MPDZ: variants seen among roughly 807,000 people sequenced by gnomAD.
The protein encoded by MPDZ is multiple PDZ domain crumbs cell polarity complex component, also known as multiple PDZ domain protein.
A neutral mutation model predicts 239.1 loss-of-function variants in MPDZ; 234 were observed. The observed-to-expected ratio is 0.98, with a 90% CI of 0.88 to 1.09. The LOEUF is 1.09. Among genes scored for constraint, MPDZ ranks in the 50% least tolerant of loss-of-function variants. The pLI is 0.00. For synonymous variants in MPDZ, 1,048 were observed against 881.3 expected, an observed-to-expected ratio of 1.19 and a Z score of -3.35; for missense variants, 3,175 against 2,510.0, an observed-to-expected ratio of 1.26 and a Z score of -5.66.
At chr9:13,205,675 G>A (rs1176652623) in intron 11 of MPDZ, among the ~76,000 whole-genome samples, 1 of 152,086 alleles carries the variant, frequency 6.6e-6, no homozygotes, top group Admixed American at 6.5e-5. Context: ...CAATGAATAG[G>A]ATAGAAAGAA....
At chr9:13,227,742 T>C (rs1961091345) in intron 3 of MPDZ, among the ~76,000 whole-genome samples, 1 of 152,158 alleles carries the variant, frequency 6.6e-6, no homozygotes, top group South Asian at 2.1e-4. Flanking sequence ...TCAATTGTCA[T>C]TTCCTAATTT....
Position 13,241,266 on chromosome 9 carries a change from T to C in MPDZ, c.183+6369A>G, listed in dbSNP as rs557088047. On this transcript the variant is annotated intron_variant, in intron 3 of 46. Transcript: ENST00000319217. ...TAATGCACACTAGAGTCTCGAGAAA[T>C]AGATACTTTGCTGTCAGGTGGCTAC... is the stretch of plus-strand genomic sequence containing the variant. Among the ~76,000 whole-genome samples, 29 of 152,284 alleles carry C rather than the reference T, an allele frequency of 1.9e-4. 1 individual carries two copies. The South Asian group carries it at 5.6e-3, about 29-fold the overall frequency.
In MPDZ at chr9:13,206,044, C is replaced by T. The variant is rs376910496; in HGVS notation, c.1346G>A (p.Arg449Gln). The change falls in exon 11 of 47, where the codon CGA becomes CAA. Residue 449 changes from arginine to glutamine, a missense_variant. Coordinates refer to ENST00000319217, the MANE Select transcript of MPDZ (RefSeq NM_001378778.1). ...CAGGAGCACAGTTTGTCCTGTATGT[C>T]GCAATACCTCTACTGCTTGCTGATT... Reference protein sequence around the residue: ...FTNQQAVEVLRHTGQTVLLTL... With the variant: ...FTNQQAVEVLQHTGQTVLLTL... 62 of 1,611,202 alleles carry T rather than the reference C, an allele frequency of 3.8e-5. No homozygotes were observed. The East Asian group carries it at 5.8e-4, about 15-fold the overall frequency.
chr9:13,144,007 T>G (rs1458096887), intron 26 of MPDZ, among the ~76,000 whole-genome samples: 1 of 152,108 alleles, frequency 6.6e-6, no homozygotes, highest in African/African-American at 2.4e-5. Context: ...TAAATTGGTC[T>G]GCTAGTTCAC....
intron 1 of MPDZ, among the ~76,000 whole-genome samples, chr9:13,267,562 C>T (rs1309873551): frequency 6.6e-6 from 1 of 152,162 alleles, no homozygotes; most frequent in Non-Finnish European, 1.5e-5. Context: ...CCCCATAGTA[C>T]TTCCAAGAAG....
chr9:13,260,882 G>A lies in MPDZ; in HGVS notation c.-57-10510C>T, dbSNP rs554838479. Among the ~76,000 whole-genome samples, 5 of 152,240 alleles carry A rather than the reference G, an allele frequency of 3.3e-5. No individual in the cohort carries two copies. In the South Asian group the frequency reaches 8.3e-4, roughly 25 times the overall value. On this transcript the variant is annotated intron_variant, in intron 1 of 46. Transcript: ENST00000319217. ...TACACCTTTCTAAACAATTTGTTAT[G>A]GCAGCCCAAGCTGACAAATACAGAA... is the stretch of plus-strand genomic sequence containing the variant.
chr9:13,215,004 T>A (rs1438800843), intron 10 of MPDZ, among the ~76,000 whole-genome samples: 1 of 152,016 alleles, frequency 6.6e-6, no homozygotes, highest in African/African-American at 2.4e-5. Flanking sequence ...TTTACCATCT[T>A]ACCCATTTTG....
chr9:13,123,243 G>T lies in MPDZ; in HGVS notation c.4863C>A (p.Pro1621=). The T allele has an allele frequency of 6.2e-7, 1 of 1,613,474 alleles. No homozygotes were observed. The highest frequency in any genetic ancestry group is 8.5e-7 in the Non-Finnish European group (1 of 1,179,732). ...AIFASDPATC[P]IIPGCETTIE... ...TGGTTGTTTCGCAGCCAGGGATAAT[G>T]GGGCAGGTTGCAGGATCAGAAGCAA... Residue 1621 remains proline (P), a synonymous_variant, in exon 36 of 47, where the codon CCC becomes CCA. Transcript: ENST00000319217.
chr9:13,128,367 G>A lies in MPDZ; in HGVS notation c.4465-1595C>T, dbSNP rs146933202. The stretch of plus-strand genomic sequence containing the variant: ...CTGCCATTGTCCTAAGAAAATTCAA[G>A]CAGCCCCATTTAGAAGAAATAAGGC... On this transcript the variant is annotated intron_variant, in intron 32 of 46. Coordinates refer to ENST00000319217, the MANE Select transcript of MPDZ (RefSeq NM_001378778.1). 2.0e-4 allele frequency among the ~76,000 whole-genome samples: 31 copies of A among 152,296 alleles called. No homozygotes were observed. In the East Asian group the frequency reaches 2.9e-3, roughly 14 times the overall value.
At chr9:13,277,370 T>C (rs963913806) in intron 1 of MPDZ, among the ~76,000 whole-genome samples, 5 of 152,096 alleles carry the variant, frequency 3.3e-5, no homozygotes, top group Non-Finnish European at 5.9e-5. Flanking sequence ...ATTAGTAATA[T>C]GTTGAGAATA....
chr9:13,126,709 T>G lies in MPDZ; in HGVS notation c.4528A>C (p.Ser1510Arg). 2 of 1,613,900 alleles carry G rather than the reference T, an allele frequency of 1.2e-6. No individual in the cohort carries two copies. The highest frequency in any genetic ancestry group is 1.7e-6 in the Non-Finnish European group (2 of 1,179,828). Residue 1510 changes from serine (S) to arginine (R), a missense_variant, in exon 33 of 47, where the codon AGC becomes CGC. Transcript: ENST00000319217. ...EDTLSGVIIK[S>R]LTEHGVAATD... Reference sequence around the variant, plus strand: ...GCTGCTACCCCATGCTCTGTTAAGCTCTTTATGATGACTCCACTGAGTGTA... The same window carrying G: ...GCTGCTACCCCATGCTCTGTTAAGCGCTTTATGATGACTCCACTGAGTGTA...
At chr9:13,259,456 C>T (rs112537849) in intron 1 of MPDZ, among the ~76,000 whole-genome samples, 10 of 152,274 alleles carry the variant, frequency 6.6e-5, no homozygotes, top group Admixed American at 1.3e-4. Flanking sequence ...AGCATGTTGT[C>T]TAGTAGCAGC....
chr9:13,132,898 T>C (rs1036094037), intron 32 of MPDZ, among the ~76,000 whole-genome samples: 1 of 152,148 alleles, frequency 6.6e-6, no homozygotes, highest in African/African-American at 2.4e-5. Context: ...CCTTTATCCA[T>C]CTAACATGTT....
intron 2 of MPDZ, 34 bp downstream of exon 2, chr9:13,250,266 C>G (rs1453281767): frequency 6.3e-7 from 1 of 1,582,546 alleles, no homozygotes. Flanking sequence ...AGTTACAATT[C>G]TTATAAAAGT....
intron 45 of MPDZ, among the ~76,000 whole-genome samples, chr9:13,109,321 G>T (rs1052827753): frequency 6.6e-6 from 1 of 151,912 alleles, no homozygotes; most frequent in East Asian, 1.9e-4. Context: ...ACATATTCAT[G>T]GCATGTTCTC....
chr9:13,125,418 A>T (rs778686535), intron 34 of MPDZ, 28 bp from the exon 35 acceptor site: 16 of 1,594,718 alleles, frequency 1.0e-5, no homozygotes, highest in Non-Finnish European at 1.4e-5. Flanking sequence ...TGGAAGAGAA[A>T]CAAAATTCAA....
chr9:13,122,036 C>T (rs901945743), intron 37 of MPDZ, 51 bp downstream of exon 37: 5 of 1,604,694 alleles, frequency 3.1e-6, no homozygotes, highest in African/African-American at 2.7e-5. Context: ...ACACTCCCCC[C>T]AGGAGCCTTT....
Position 13,223,622 on chromosome 9 carries a change from CCT to C in MPDZ, c.480_481del (p.Gly161ArgfsTer17). On this transcript the variant is annotated frameshift_variant, in exon 5 of 47. Transcript: ENST00000319217. LOFTEE classifies it high-confidence loss of function. ...CTCTTGAACAAATATTCCCAGCTCT[CCT>C]CTGTTTTCACTTCTTAGTCCCACAA... is the stretch of plus-strand genomic sequence containing the variant. 1 of 1,612,518 alleles carries C rather than the reference CCT, an allele frequency of 6.2e-7. No homozygotes were observed. Among genetic ancestry groups the C allele is most frequent in the Non-Finnish European group, 8.5e-7 (1 of 1,179,050 alleles).
At chr9:13,114,773 G>A (rs924786829) in intron 40 of MPDZ, among the ~76,000 whole-genome samples, 1 of 151,904 alleles carries the variant, frequency 6.6e-6, no homozygotes, top group South Asian at 2.1e-4. Context: ...GGTGGTGCAC[G>A]CCTGTAGTCC....
Sources: gnomAD v4.1 joint callset for allele counts (sites outside exome capture counted in the v4.1 genomes callset) on GRCh38, gnomAD v4.1.1 for gene constraint, MANE v1.5 for transcripts, NCBI Gene and HGNC (gene_info 2026-07-23, HGNC 2026-07-21) for gene names.